Variants in CDC45 observed in about 807,000 individuals in gnomAD.
CDC45 encodes cell division cycle 45.
A neutral mutation model predicts 77.8 loss-of-function variants in CDC45; 54 were observed. The observed-to-expected ratio is 0.69, with a 90% CI of 0.56 to 0.87. The LOEUF (loss-of-function observed/expected upper bound fraction) is 0.87, where lower values mean the gene tolerates loss of function less well. Among genes scored for constraint, CDC45 ranks in the 40% least tolerant of loss-of-function variants. CDC45 has a pLI of 0.00. For synonymous variants in CDC45, 260 were observed against 272.1 expected (o/e 0.96, Z 0.44); for missense variants, 649 against 721.6 (o/e 0.90, Z 1.15).
intron 8 of CDC45, 126 bp downstream of exon 8, chr22:19,497,573 C>T (rs1255314867): frequency 1.3e-6 from 1 of 766,200 alleles, no homozygotes; most frequent in South Asian, 1.5e-5. Flanking sequence ...GATGCAGCCC[C>T]TTTCTGGGTA....
rs2073734 is a variant in CDC45 at position 19,516,669 on chromosome 22, G to C, written c.1559+24G>C. 3.7e-3 allele frequency: 5,830 copies of C among 1,594,662 alleles called. 187 individuals are homozygous for C. In the East Asian group the frequency reaches 0.075, roughly 20 times the overall value. The stretch of plus-strand genomic sequence containing the variant: ...AAGTGAGCAGCTTCCACTCGTCCTG[G>C]GACTGGAGGGTCGGGGGTGTTGGGG... On this transcript the variant is annotated intron_variant, in intron 16 of 18. Coordinates refer to ENST00000263201, the MANE Select transcript of CDC45 (RefSeq NM_003504.5).
intron 5 of CDC45, among the ~76,000 whole-genome samples, chr22:19,484,544 T>G (rs1053795972): frequency 6.6e-5 from 10 of 152,210 alleles, no homozygotes; most frequent in Admixed American, 5.9e-4. Flanking sequence ...TTCTGCAAGA[T>G]GTAAAATGAC....
chr22:19,519,814 C>T (rs1031109476), intron 18 of CDC45, among the ~76,000 whole-genome samples: 1 of 152,222 alleles, frequency 6.6e-6, no homozygotes, highest in Non-Finnish European at 1.5e-5. Context: ...CCCACAGTTC[C>T]TCTCAGGGTG....
intron 9 of CDC45, among the ~76,000 whole-genome samples, chr22:19,501,065 A>G (rs776582310): frequency 6.6e-6 from 1 of 152,154 alleles, no homozygotes; most frequent in Non-Finnish European, 1.5e-5. Context: ...CTGTAGTCCC[A>G]GCTACTCGGG....
chr22:19,506,269 G>A (rs1381589271), intron 10 of CDC45, among the ~76,000 whole-genome samples: 1 of 152,180 alleles, frequency 6.6e-6, no homozygotes, highest in Non-Finnish European at 1.5e-5. Flanking sequence ...AGCCTGGGGA[G>A]CGGGGTGGAG....
At chr22:19,507,935 C>A in intron 12 of CDC45, 71 bp downstream of exon 12, 1 of 1,047,822 alleles carries the variant, frequency 9.5e-7, no homozygotes, top group Non-Finnish European at 1.4e-6. Context: ...TCTACTTTAA[C>A]TGTGCTCCTA....
chr22:19,500,220 T>A (rs1240813094), intron 9 of CDC45, among the ~76,000 whole-genome samples: 1 of 152,212 alleles, frequency 6.6e-6, no homozygotes, highest in East Asian at 1.9e-4. Flanking sequence ...ACGGTCACTG[T>A]CCTGGTTGGT....
chr22:19,488,764 G>A (rs1398767732), intron 5 of CDC45, among the ~76,000 whole-genome samples: 2 of 152,066 alleles, frequency 1.3e-5, no homozygotes, highest in African/African-American at 2.4e-5. Context: ...TCCATTACCC[G>A]CAAAAAGTTT....
intron 4 of CDC45, 141 bp downstream of exon 4, chr22:19,482,968 A>AT: frequency 4.5e-6 from 3 of 664,082 alleles, no homozygotes; most frequent in Non-Finnish European, 7.5e-6. Context: ...GGTCTTTGTC[A>AT]TCTTTTTTTT....
chr22:19,508,307 C>G (rs1265096725), intron 12 of CDC45, among the ~76,000 whole-genome samples: 1 of 152,194 alleles, frequency 6.6e-6, no homozygotes, highest in African/African-American at 2.4e-5. Context: ...CCACACACCC[C>G]CTAAGCCAGC....
In CDC45 at chr22:19,494,398, C is replaced by T; in HGVS notation, c.542+16C>T. ...AGGCCCGGAGGTGAGTCTGTGCTTC[C>T]AGCTGCTCCCAGCACCAGAAGCCCA... On this transcript the variant is annotated intron_variant, in intron 6 of 18. Transcript: ENST00000263201. 1.2e-6 allele frequency: 2 copies of T among 1,612,794 alleles called. No individual in the cohort carries two copies. Among genetic ancestry groups the T allele is most frequent in the Non-Finnish European group, 1.7e-6 (2 of 1,179,354 alleles).
intron 13 of CDC45, among the ~76,000 whole-genome samples, chr22:19,511,318 A>G (rs1040713614): frequency 6.7e-6 from 1 of 148,612 alleles, no homozygotes; most frequent in Admixed American, 6.7e-5. Context: ...TTGTCTATTC[A>G]AGTCCTTTGT....
chr22:19,487,041 C>T (rs1308735795), intron 5 of CDC45, among the ~76,000 whole-genome samples: 2 of 151,790 alleles, frequency 1.3e-5, no homozygotes, highest in Non-Finnish European at 2.9e-5. Context: ...AGCCTGTAAT[C>T]CCAACACTTT....
At chr22:19,518,950 C>T (rs1933956296) in intron 18 of CDC45, 41 bp downstream of exon 18, 2 of 1,475,352 alleles carry the variant, frequency 1.4e-6, no homozygotes, top group South Asian at 1.1e-5. Context: ...GCAGCAGCCC[C>T]CTCAGAGCCC....
chr22:19,509,993 G>A (rs2078744), intron 13 of CDC45, among the ~76,000 whole-genome samples: 2,966 of 152,088 alleles, frequency 0.02, 46 homozygotes, highest in Middle Eastern at 0.031. Flanking sequence ...ACAGGGTCTC[G>A]CTCTGTTGCC....
chr22:19,517,777 A>T (rs146696362), intron 17 of CDC45, among the ~76,000 whole-genome samples: 420 of 152,318 alleles, frequency 2.8e-3, no homozygotes, highest in Middle Eastern at 0.01. Context: ...GACAGATTGG[A>T]TTAGAGCCCA....
At position 19,498,787 on chromosome 22, in the gene CDC45, G is replaced by A. The variant is rs13447227; in HGVS notation, c.654-314G>A. 2.3e-3 allele frequency among the ~76,000 whole-genome samples: 354 copies of A among 152,316 alleles called. 1 individual carries two copies. Among genetic ancestry groups the A allele is most frequent in the African/African-American group, 7.4e-3 (308 of 41,564 alleles). ...GTCAGGAGTGCAGGACAAGAGCAGA[G>A]CATGGCCTAGGAGTGGGTGGGAGTG... On this transcript the variant is annotated intron_variant, in intron 8 of 18. Transcript: ENST00000263201.
At chr22:19,507,057 C>T (rs545644128) in intron 10 of CDC45, among the ~76,000 whole-genome samples, 144 of 152,266 alleles carry the variant, frequency 9.5e-4, no homozygotes, top group African/African-American at 2.2e-3. Flanking sequence ...AGGTGCAGGA[C>T]GACAAGCTGG....
At chr22:19,487,969 G>A (rs902751117) in intron 5 of CDC45, among the ~76,000 whole-genome samples, 3 of 150,904 alleles carry the variant, frequency 2.0e-5, no homozygotes, top group Non-Finnish European at 4.4e-5. Flanking sequence ...ACATGGGGTC[G>A]AGAATCATTT....
Sources: gnomAD v4.1 joint callset for allele counts (sites outside exome capture counted in the v4.1 genomes callset) on GRCh38, gnomAD v4.1.1 for gene constraint, MANE v1.5 for transcripts, NCBI Gene and HGNC (gene_info 2026-07-23, HGNC 2026-07-21) for gene names.